ALG9: variants seen among roughly 807,000 people sequenced by gnomAD.
ALG9 encodes alpha-1,2-mannosyltransferase ALG9.
ALG9 carries 55 observed loss-of-function variants against 81.8 expected under a neutral mutation model. The observed-to-expected ratio is 0.67, with a 90% CI of 0.54 to 0.84. The LOEUF is 0.84. ALG9 is among the 40% of genes least tolerant of loss of function. The pLI, the probability that ALG9 is intolerant of heterozygous loss-of-function variation, is 0.00. For synonymous variants in ALG9, 278 were observed against 274.3 expected (o/e 1.01, Z -0.13); for missense variants, 629 against 745.0 (o/e 0.84, Z 1.81).
chr11:111,809,859 A>C, intron 13 of ALG9, 86 bp from the exon 14 acceptor site: 2 of 1,498,310 alleles, frequency 1.3e-6, no homozygotes, highest in South Asian at 2.3e-5. Context: ...CTAAAAATTT[A>C]CAGAGCTTTG....
At position 111,836,200 on chromosome 11, in the gene ALG9, T is replaced by C. The variant is rs76407349; in HGVS notation, c.1567A>G (p.Met523Val). The C allele has an allele frequency of 1.5e-4, 250 of 1,614,048 alleles. 2 individuals carry two copies. The South Asian group carries it at 2.3e-3, about 15-fold the overall frequency. ...PLATRIVPTDMNDQNLEEPSR... is the reference protein window; with the variant it reads ...PLATRIVPTDVNDQNLEEPSR... ...GGCTCTTCTAGATTCTGGTCATTCA[T>C]GTCAGTAGGAACAATCCGGGTGGCC... The change falls in exon 13 of 15, where the codon ATG becomes GTG. Residue 523 changes from methionine to valine, a missense_variant. This residue lies in a region of ALG9 where 264 missense variants were observed against 302.2 expected (regional missense o/e 0.87). Coordinates refer to ENST00000616540, the MANE Select transcript of ALG9 (RefSeq NM_024740.2).
chr11:111,842,984 T>C (rs1310648744), intron 9 of ALG9, among the ~76,000 whole-genome samples: 1 of 151,984 alleles, frequency 6.6e-6, no homozygotes, highest in Non-Finnish European at 1.5e-5. Context: ...CAGGTCTCAC[T>C]ATGTTGCCCA....
intron 13 of ALG9, among the ~76,000 whole-genome samples, chr11:111,831,742 T>C (rs145605162): frequency 1.8e-4 from 28 of 152,328 alleles, no homozygotes; most frequent in African/African-American, 6.3e-4. Context: ...ACATTTTAAG[T>C]TCCCTTCTAA....
intron 13 of ALG9, among the ~76,000 whole-genome samples, chr11:111,811,468 G>C (rs1950698502): frequency 6.6e-6 from 1 of 151,336 alleles, no homozygotes; most frequent in Non-Finnish European, 1.5e-5. Context: ...GTTTGAACCT[G>C]GGAGGTGGAG....
chr11:111,854,176 C>G (rs1008657991), intron 6 of ALG9, among the ~76,000 whole-genome samples: 5 of 149,182 alleles, frequency 3.4e-5, no homozygotes, highest in African/African-American at 7.4e-5. Context: ...CGGCTCACTA[C>G]CGCCTCCATC....
rs372345664 is a variant in ALG9 at position 111,868,595 on chromosome 11, C to T, written c.405+7G>A. 183 of 1,613,732 alleles carry T rather than the reference C, an allele frequency of 1.1e-4. 2 individuals carry two copies. The African/African-American group carries it at 1.9e-3, about 17-fold the overall frequency. ...TTGTGATTGCTTCCAGGTTGGTCTG[C>T]CCTTACCTTATTAGTTTGTAGAATT... is the stretch of plus-strand genomic sequence containing the variant. On this transcript the variant is annotated splice_region_variant and intron_variant, in intron 3 of 14. Coordinates refer to ENST00000616540, the MANE Select transcript of ALG9 (RefSeq NM_024740.2).
intron 6 of ALG9, among the ~76,000 whole-genome samples, chr11:111,856,290 A>AG (rs1314271787): frequency 3.4e-5 from 5 of 147,468 alleles, no homozygotes; most frequent in African/African-American, 1.3e-4. Flanking sequence ...AAAAAAAAAA[A>AG]AAAAAAGAAA....
Position 111,835,657 on chromosome 11 carries a change from C to T in ALG9, c.1602+508G>A, listed in dbSNP as rs45508500. Among the ~76,000 whole-genome samples, 1,271 of 152,306 alleles carry T rather than the reference C, an allele frequency of 8.3e-3. 16 individuals are homozygous for T. The highest frequency in any genetic ancestry group is 0.013 in the Non-Finnish European group (864 of 68,022). On this transcript the variant is annotated intron_variant, in intron 13 of 14. Transcript: ENST00000616540. ...CCAAAACCTTCAAAATTAAATTATACATTTTACATAGAAAATAAAGAGGTT... is the reference window on the plus strand; with the variant it reads ...CCAAAACCTTCAAAATTAAATTATATATTTTACATAGAAAATAAAGAGGTT...
At chr11:111,868,815 G>A (rs1247360622) in intron 2 of ALG9, 79 bp from the exon 3 acceptor site, 3 of 1,417,590 alleles carry the variant, frequency 2.1e-6, no homozygotes, top group Non-Finnish European at 2.8e-6. Context: ...AAGTTTCTGA[G>A]CAGAAATATT....
intron 13 of ALG9, among the ~76,000 whole-genome samples, chr11:111,810,369 A>G (rs1203151919): frequency 6.6e-6 from 1 of 152,228 alleles, no homozygotes; most frequent in East Asian, 1.9e-4. Flanking sequence ...TTAATATTGT[A>G]TATTAACAAA....
intron 13 of ALG9, among the ~76,000 whole-genome samples, chr11:111,816,111 G>A (rs1021294429): frequency 3.3e-5 from 5 of 152,106 alleles, no homozygotes; most frequent in African/African-American, 4.8e-5. Flanking sequence ...GTTTTGATTA[G>A]TTGTTGGGCA....
At chr11:111,837,722 G>A in intron 11 of ALG9, 107 bp from the exon 12 acceptor site, 1 of 1,258,302 alleles carries the variant, frequency 7.9e-7, no homozygotes, top group East Asian at 2.5e-5. Context: ...AAATTTAAAA[G>A]GCAGGAAGGG....
chr11:111,855,104 T>C (rs1958449387), intron 6 of ALG9, among the ~76,000 whole-genome samples: 1 of 152,180 alleles, frequency 6.6e-6, no homozygotes, highest in Admixed American at 6.6e-5. Context: ...TATCTTTGAG[T>C]TTGGATACCA....
chr11:111,826,566 G>T (rs1046131185), intron 13 of ALG9, among the ~76,000 whole-genome samples: 22 of 151,940 alleles, frequency 1.4e-4, no homozygotes, highest in African/African-American at 5.1e-4. Context: ...TCCCAGAATG[G>T]AGTGCAGTGG....
intron 8 of ALG9, among the ~76,000 whole-genome samples, chr11:111,846,450 C>T (rs1181490211): frequency 6.6e-6 from 1 of 152,160 alleles, no homozygotes; most frequent in Non-Finnish European, 1.5e-5. Flanking sequence ...AAATATTTGT[C>T]TCTAACACAA....
intron 8 of ALG9, among the ~76,000 whole-genome samples, chr11:111,848,604 A>AAG (rs1957280401): frequency 6.6e-6 from 1 of 151,948 alleles, no homozygotes; most frequent in African/African-American, 2.4e-5. Flanking sequence ...AAAAAAAAAA[A>AAG]AAAAGAAAAC....
At chr11:111,798,397 T>C (rs2136289944) in intron 14 of ALG9, among the ~76,000 whole-genome samples, 1 of 152,142 alleles carries the variant, frequency 6.6e-6, no homozygotes, top group East Asian at 1.9e-4. Context: ...CCAACTCCAA[T>C]ATCCTGGAGA....
chr11:111,863,554 C>T (rs1961127640), intron 4 of ALG9, among the ~76,000 whole-genome samples: 1 of 152,114 alleles, frequency 6.6e-6, no homozygotes, highest in Non-Finnish European at 1.5e-5. Flanking sequence ...TAAAATCTGA[C>T]ATTTTTAGCT....
chr11:111,788,848 A>G (rs1946902255), intron 14 of ALG9, among the ~76,000 whole-genome samples: 1 of 152,224 alleles, frequency 6.6e-6, no homozygotes, highest in Admixed American at 6.5e-5. Flanking sequence ...AAACTCCTAT[A>G]AGCTTTAGTA....
Sources: gnomAD v4.1 joint callset for allele counts (sites outside exome capture counted in the v4.1 genomes callset) on GRCh38, gnomAD v4.1.1 for gene constraint, gnomAD v4.1.1 regional missense constraint, MANE v1.5 for transcripts, NCBI Gene and HGNC (gene_info 2026-07-23, HGNC 2026-07-21) for gene names.